The following NFIL3 variants were observed in gnomAD, a reference collection of about 807,000 sequenced individuals.
NFIL3 encodes nuclear factor interleukin-3-regulated protein.
NFIL3 carries 5 observed loss-of-function variants against 10.0 expected under a neutral mutation model. The ratio of observed to expected loss-of-function variants is 0.50; its 90% CI spans 0.26 to 1.06. The LOEUF (loss-of-function observed/expected upper bound fraction) is 1.06, where lower values mean the gene tolerates loss of function less well. Among genes scored for constraint, NFIL3 ranks in the 50% least tolerant of loss-of-function variants. The pLI is 0.13. For synonymous variants in NFIL3, 202 were observed against 206.5 expected (o/e 0.98, Z 0.19); for missense variants, 436 against 547.6 (o/e 0.80, Z 2.03).
At position 91,410,659 on chromosome 9, in the gene NFIL3, T is replaced by A. The variant is rs777304490; in HGVS notation, c.76A>T (p.Met26Leu). Residue 26 changes from methionine to leucine, a missense_variant, in exon 2 of 2, where the codon ATG becomes TTG. Physicochemically the swap from Met to Leu is conservative, Grantham distance 15 (BLOSUM62 2). This residue lies in a region of NFIL3 where 76 missense variants were observed against 73.0 expected (regional missense o/e 1.04). Transcript: ENST00000297689. This position sits in a 1 kb window ranked among gnomAD's most constrained non-coding sequence, Gnocchi z 5.7. ...LDASSNVDKM[M>L]VLNSALTEVS... Reference sequence around the variant, plus strand: ...TCCGTTAAAGCAGAATTAAGGACCATCATCTTGTCCACATTGCTACTGGCA... The same window carrying A: ...TCCGTTAAAGCAGAATTAAGGACCAACATCTTGTCCACATTGCTACTGGCA... 97 of 1,613,946 alleles carry A rather than the reference T, an allele frequency of 6.0e-5. 1 individual carries two copies. In the Admixed American group the frequency reaches 1.6e-3, roughly 27 times the overall value.
At chr9:91,444,720 G>A in the NFIL3 span, among the ~76,000 whole-genome samples, 1 of 152,064 alleles carries the variant, frequency 6.6e-6, no homozygotes, top group Non-Finnish European at 1.5e-5. Context: ...CAATGACTGT[G>A]GGTGCCTCAG....
At chr9:91,429,362 A>G in the NFIL3 span, among the ~76,000 whole-genome samples, 1 of 152,152 alleles carries the variant, frequency 6.6e-6, no homozygotes, top group Non-Finnish European at 1.5e-5. Flanking sequence ...TCTCATTAGC[A>G]TGGGTTGACT....
the NFIL3 span, among the ~76,000 whole-genome samples, chr9:91,469,699 C>A: frequency 6.6e-6 from 1 of 152,124 alleles, no homozygotes; most frequent in African/African-American, 2.4e-5. Flanking sequence ...TTTTGAGATA[C>A]ATCCCATCAA....
chr9:91,473,497 C>T, the NFIL3 span, among the ~76,000 whole-genome samples: 4 of 152,342 alleles, frequency 2.6e-5, no homozygotes, highest in East Asian at 3.9e-4. Flanking sequence ...GCTCCGTGGG[C>T]GTGGGACCCG....
At chr9:91,482,204 G>C in the NFIL3 span, among the ~76,000 whole-genome samples, 1 of 152,098 alleles carries the variant, frequency 6.6e-6, no homozygotes, top group East Asian at 1.9e-4. Flanking sequence ...GATGTCTATT[G>C]CAACACTTTT....
the NFIL3 span, among the ~76,000 whole-genome samples, chr9:91,450,324 T>TGCCG: frequency 1.8e-4 from 28 of 152,282 alleles, no homozygotes; most frequent in African/African-American, 5.5e-4. Flanking sequence ...TCCTTCTTTT[T>TGCCG]AATGTTGGCA....
chr9:91,410,831 A>T lies in NFIL3; in HGVS notation c.-97T>A, dbSNP rs1355224037. 1 of 1,289,358 alleles carries T rather than the reference A, an allele frequency of 7.8e-7. No individual in the cohort carries two copies. Among genetic ancestry groups the T allele is most frequent in the Non-Finnish European group, 1.1e-6 (1 of 946,460 alleles). 79.9% of individuals were successfully genotyped at this position (1,289,358 alleles called of 1,614,324 possible). A position where few individuals can be genotyped will look rare whatever the true frequency, so the allele number is the denominator to read the frequency against. ...AAACTCTGGTTTAAAATCCATCAATATTCTTCCTTTTGTTCTACCGTCTGG... is the reference window on the plus strand; with the variant it reads ...AAACTCTGGTTTAAAATCCATCAATTTTCTTCCTTTTGTTCTACCGTCTGG... On this transcript the variant is annotated 5_prime_UTR_variant, in exon 2 of 2. Transcript: ENST00000297689. The surrounding 1 kb of genome is among the most constrained non-coding windows in gnomAD (Gnocchi z 5.7).
intron 1 of NFIL3, among the ~76,000 whole-genome samples, chr9:91,422,012 C>G (rs1415869795): frequency 6.6e-6 from 1 of 152,164 alleles, no homozygotes; most frequent in Non-Finnish European, 1.5e-5. Context: ...ATATCTGTTT[C>G]CCATAGGTCA....
the NFIL3 span, among the ~76,000 whole-genome samples, chr9:91,443,229 T>C: frequency 6.6e-6 from 1 of 152,146 alleles, no homozygotes; most frequent in Non-Finnish European, 1.5e-5. Context: ...TGCTGACTGG[T>C]CCATGGGCAG....
At chr9:91,441,920 T>C in the NFIL3 span, among the ~76,000 whole-genome samples, 6 of 152,208 alleles carry the variant, frequency 3.9e-5, no homozygotes, top group East Asian at 1.2e-3. Context: ...ATATGAATGA[T>C]TCACATAGCA....
the NFIL3 span, among the ~76,000 whole-genome samples, chr9:91,480,797 T>C: frequency 6.6e-6 from 1 of 152,214 alleles, no homozygotes; most frequent in Non-Finnish European, 1.5e-5. Context: ...CAATTAATTG[T>C]CCTGTGACAT....
the NFIL3 span, among the ~76,000 whole-genome samples, chr9:91,450,419 A>G: frequency 4.6e-5 from 7 of 152,256 alleles, no homozygotes; most frequent in South Asian, 1.4e-3. Context: ...CATTTTCATT[A>G]GTCTCCAATC....
chr9:91,455,102 T>C, the NFIL3 span, among the ~76,000 whole-genome samples: 3 of 152,200 alleles, frequency 2.0e-5, no homozygotes, highest in Non-Finnish European at 2.9e-5. Flanking sequence ...TATACGAATA[T>C]GAGGGTGATG....
chr9:91,409,362 G>C lies in NFIL3; in HGVS notation c.1373C>G (p.Ala458Gly). Residue 458 changes from alanine to glycine, a missense_variant, in exon 2 of 2, where the codon GCT becomes GGT. Ala to Gly is a moderately conservative substitution (Grantham distance 60). Coordinates refer to ENST00000297689, the MANE Select transcript of NFIL3 (RefSeq NM_005384.3). Reference sequence around the variant, plus strand: ...AGTAGTAATTTACCCAGAGTCTGAAGCAGAGATTGGTTGTGTGGCTATAAG... The same window carrying C: ...AGTAGTAATTTACCCAGAGTCTGAACCAGAGATTGGTTGTGTGGCTATAAG... ...KRLIATQPIS[A>G]SDSG 6.4e-7 allele frequency: 1 copy of C among 1,572,726 alleles called. No homozygotes were observed. The highest frequency in any genetic ancestry group is 8.6e-7 in the Non-Finnish European group (1 of 1,161,538).
chr9:91,472,620 G>C, the NFIL3 span, among the ~76,000 whole-genome samples: 2 of 152,066 alleles, frequency 1.3e-5, no homozygotes, highest in African/African-American at 4.8e-5. Context: ...CTTTTTTCAA[G>C]GTTTCTAGCT....
At chr9:91,420,384 C>T (rs918610961) in intron 1 of NFIL3, among the ~76,000 whole-genome samples, 1 of 151,156 alleles carries the variant, frequency 6.6e-6, no homozygotes, top group African/African-American at 2.5e-5. Context: ...CACACACACA[C>T]ACACACAGAT....
the NFIL3 span, among the ~76,000 whole-genome samples, chr9:91,446,415 T>C: frequency 6.6e-5 from 10 of 152,256 alleles, no homozygotes; most frequent in African/African-American, 2.4e-4. Context: ...GTTTTGTTTT[T>C]GTGTGTGTTG....
chr9:91,452,873 A>G, the NFIL3 span, among the ~76,000 whole-genome samples: 67,280 of 150,516 alleles, frequency 0.45, 18,878 homozygotes, highest in African/African-American at 0.79. Context: ...TGTCATAGAT[A>G]TATTCTTAAC....
intron 1 of NFIL3, among the ~76,000 whole-genome samples, chr9:91,412,947 C>T (rs1833583138): frequency 6.6e-6 from 1 of 150,822 alleles, no homozygotes; most frequent in Non-Finnish European, 1.5e-5. Context: ...ATGAAGTTTA[C>T]TTTTATCAAT....
Sources: gnomAD v4.1 joint callset for allele counts (sites outside exome capture counted in the v4.1 genomes callset) on GRCh38, gnomAD v4.1.1 for gene constraint, gnomAD v4.1.1 regional missense constraint, Gnocchi (gnomAD v3.1) non-coding constraint, MANE v1.5 for transcripts, NCBI Gene and HGNC (gene_info 2026-07-23, HGNC 2026-07-21) for gene names.